The following OTOGL variants were observed in gnomAD, a reference collection of about 807,000 sequenced individuals.
OTOGL encodes the protein otogelin-like protein.
OTOGL carries 285 observed loss-of-function variants against 318.5 expected under a neutral mutation model. The ratio of observed to expected loss-of-function variants is 0.89; its 90% confidence interval spans 0.81 to 0.99. OTOGL has a LOEUF of 0.99. Ranked by LOEUF, OTOGL falls within the 50% of genes least tolerant of loss-of-function variation. OTOGL has a pLI of 0.00. For synonymous variants in OTOGL, 987 were observed against 936.5 expected (o/e 1.05, Z -0.99); for missense variants, 2,899 against 2,845.6 (o/e 1.02, Z -0.43).
intron 1 of OTOGL, among the ~76,000 whole-genome samples, chr12:80,167,393 C>A (rs192607298): frequency 1.2e-3 from 176 of 152,138 alleles, no homozygotes; most frequent in East Asian, 1.5e-3. Context: ...AGAATAATAT[C>A]ATCAGATTTT....
At chr12:80,360,750 G>A (rs996900439) in intron 52 of OTOGL, among the ~76,000 whole-genome samples, 3 of 151,958 alleles carry the variant, frequency 2.0e-5, no homozygotes, top group African/African-American at 7.2e-5. Context: ...AAAATGCTGG[G>A]ATTACAGGTG....
intron 19 of OTOGL, among the ~76,000 whole-genome samples, chr12:80,263,447 T>G (rs1031670372): frequency 6.6e-6 from 1 of 152,182 alleles, no homozygotes; most frequent in Admixed American, 6.6e-5. Flanking sequence ...TATTTTGCTC[T>G]ATTTTCTATC....
Position 80,352,299 on chromosome 12 carries a change from C to T in OTOGL, c.5270C>T (p.Ser1757Leu). The change falls in exon 45 of 59, where the codon TCA (serine) becomes TTA (leucine). Residue 1757 changes from serine to leucine, a missense_variant. This residue lies in a region of OTOGL where 2,607 missense variants were observed against 2,524.9 expected (regional missense o/e 1.03). Coordinates refer to ENST00000547103, the MANE Select transcript of OTOGL (RefSeq NM_001378609.3). ...RIFIPCHDKVSPEDFCEKMWI... is the reference protein window; with the variant it reads ...RIFIPCHDKVLPEDFCEKMWI... ...CAAGGCAAAATGTTTCTCTAGGTTT[C>T]ACCGGAAGACTTTTGTGAAAAGATG... is the stretch of plus-strand genomic sequence containing the variant. 6.2e-7 allele frequency: 1 copy of T among 1,605,680 alleles called. No individual in the cohort carries two copies. Among genetic ancestry groups the T allele is most frequent in the South Asian group, 1.1e-5 (1 of 88,782 alleles).
chr12:80,305,214 A>G (rs1886028287), intron 28 of OTOGL, among the ~76,000 whole-genome samples: 2 of 152,202 alleles, frequency 1.3e-5, no homozygotes, highest in African/African-American at 4.8e-5. Context: ...ATATATACAC[A>G]TGAATTCTGT....
chr12:80,158,157 AC>A (rs1287517062), intron 1 of OTOGL, among the ~76,000 whole-genome samples: 2 of 152,274 alleles, frequency 1.3e-5, no homozygotes, highest in East Asian at 1.9e-4. Flanking sequence ...TTTTAAAAAA[AC>A]AACAGTGTTT....
At chr12:80,332,940 A>G (rs555337567) in intron 37 of OTOGL, 65 bp from the exon 38 acceptor site, 297 of 1,307,910 alleles carry the variant, frequency 2.3e-4, no homozygotes, top group Middle Eastern at 9.9e-4. Flanking sequence ...AGTTTCTGTC[A>G]CATATCAATT....
At chr12:80,311,688 T>G (rs186624216) in intron 30 of OTOGL, among the ~76,000 whole-genome samples, 1 of 152,188 alleles carries the variant, frequency 6.6e-6, no homozygotes, top group East Asian at 1.9e-4. Context: ...ATTACAGGCG[T>G]GAACCACTGC....
chr12:80,289,738 C>G (rs1177859862), intron 26 of OTOGL, among the ~76,000 whole-genome samples: 1 of 152,146 alleles, frequency 6.6e-6, no homozygotes, highest in African/African-American at 2.4e-5. Context: ...TGGCGGACGC[C>G]CCTCCCCCAA....
At chr12:80,321,492 GT>G (rs1274921369) in intron 34 of OTOGL, among the ~76,000 whole-genome samples, 1 of 151,944 alleles carries the variant, frequency 6.6e-6, no homozygotes, top group Non-Finnish European at 1.5e-5. Flanking sequence ...AAGTTAATGG[GT>G]GCAGCACACC....
In OTOGL at chr12:80,212,132, A is replaced by T. The variant is rs1877309278; in HGVS notation, c.168+135A>T. The T allele has an allele frequency of 9.2e-6, 8 of 866,360 alleles. No individual in the cohort carries two copies. The Admixed American group carries it at 2.2e-4, about 24-fold the overall frequency. The allele number at this position is 866,360 out of a possible 1,614,324, so 53.7% of individuals were successfully genotyped here. Reference sequence around the variant, plus strand: ...AACAAGACAGGAAGGAGGAGGAAGAAGCAAAGTAACCTCTATTGCTTTTCT... The same window carrying T: ...AACAAGACAGGAAGGAGGAGGAAGATGCAAAGTAACCTCTATTGCTTTTCT... On this transcript the variant is annotated intron_variant, in intron 4 of 58. Transcript: ENST00000547103.
At chr12:80,267,440 T>A in intron 22 of OTOGL, 113 bp downstream of exon 22, 1 of 436,336 alleles carries the variant, frequency 2.3e-6, no homozygotes, top group Non-Finnish European at 3.3e-6. Flanking sequence ...CTAGGGTATA[T>A]GTGTACAACG....
chr12:80,150,054 C>G (rs1335075801), intron 1 of OTOGL, among the ~76,000 whole-genome samples: 1 of 152,192 alleles, frequency 6.6e-6, no homozygotes, highest in Non-Finnish European at 1.5e-5. Flanking sequence ...GGAGCTGTTC[C>G]TATTCGGCCA....
At chr12:80,183,786 G>A (rs993389100) in intron 1 of OTOGL, among the ~76,000 whole-genome samples, 2 of 152,336 alleles carry the variant, frequency 1.3e-5, no homozygotes, top group African/African-American at 4.8e-5. Flanking sequence ...TCAGCTGGCT[G>A]TTGGGAGGCA....
intron 11 of OTOGL, among the ~76,000 whole-genome samples, chr12:80,242,861 A>G (rs1880500809): frequency 6.6e-6 from 1 of 152,130 alleles, no homozygotes; most frequent in African/African-American, 2.4e-5. Flanking sequence ...GAGAGTGCCT[A>G]CACAGGCTCC....
At chr12:80,297,417 C>T (rs1020565982) in intron 27 of OTOGL, among the ~76,000 whole-genome samples, 3 of 151,658 alleles carry the variant, frequency 2.0e-5, no homozygotes, top group South Asian at 2.1e-4. Context: ...CCTCAACCTC[C>T]GCCTCCTGGG....
chr12:80,255,380 G>A (rs902653525), intron 16 of OTOGL, among the ~76,000 whole-genome samples, 195 bp downstream of exon 16: 3 of 152,042 alleles, frequency 2.0e-5, no homozygotes, highest in African/African-American at 7.2e-5. Flanking sequence ...CATACCATTG[G>A]TTACATGACG....
rs370806881 is a variant in OTOGL, at chr12:80,355,870, A to G, written c.5728A>G (p.Thr1910Ala). 4.3e-6 allele frequency: 7 copies of G among 1,613,962 alleles called. 1 individual carries two copies. The highest frequency in any genetic ancestry group is 3.3e-5 in the South Asian group (3 of 91,090). ...PIEPDCDEEP[T>A]PVCEREAEVV... ...AGAACCTGACTGTGATGAAGAGCCC[A>G]CGCCAGTTTGTGAACGAGAAGCTGA... The change falls in exon 47 of 59, where the codon ACG (threonine) becomes GCG (alanine). Residue 1910 changes from threonine to alanine, a missense_variant. By Grantham distance (58) the Thr-to-Ala change is moderately conservative (BLOSUM62 0). This residue lies in a region of OTOGL where 2,607 missense variants were observed against 2,524.9 expected (regional missense o/e 1.03). Transcript: ENST00000547103.
Position 80,324,679 on chromosome 12 carries a change from G to A in OTOGL, c.4199+839G>A, listed in dbSNP as rs190260191. Among the ~76,000 whole-genome samples the A allele has an allele frequency of 2.0e-5, 3 of 152,258 alleles. No homozygotes were observed. In the East Asian group the frequency reaches 5.8e-4, roughly 29 times the overall value. Reference sequence around the variant, plus strand: ...GGTGATACAGACAAGAAATGAAGGGGATTTGACCAGGTTGGTGGCCCGAGA... The same window carrying A: ...GGTGATACAGACAAGAAATGAAGGGAATTTGACCAGGTTGGTGGCCCGAGA... On this transcript the variant is annotated intron_variant, in intron 35 of 58. Coordinates refer to ENST00000547103, the MANE Select transcript of OTOGL (RefSeq NM_001378609.3).
In OTOGL at chr12:80,355,224, C is replaced by CTTTCTTT. The variant is rs1889799791; in HGVS notation, c.5594-509_5594-508insCTTTTTT. Reference sequence around the variant, plus strand: ...ACTTTTTTCTTTTCTTTCTTTCTTTCTTTTCTTTTTTTTTTTTTTTTTTTG... The same window carrying CTTTCTTT: ...ACTTTTTTCTTTTCTTTCTTTCTTTCTTTCTTTTTTTCTTTTTTTTTTTTTTTTTTTG... On this transcript the variant is annotated intron_variant, in intron 46 of 58. Transcript: ENST00000547103. Among the ~76,000 whole-genome samples, 17 of 65,630 alleles carry CTTTCTTT rather than the reference C, an allele frequency of 2.6e-4. 1 individual carries two copies. Among genetic ancestry groups the CTTTCTTT allele is most frequent in the South Asian group, 5.6e-4 (1 of 1,782 alleles). The allele number at this position is 65,630 out of a possible 152,430, so 43.1% of individuals were successfully genotyped here. A position where few individuals can be genotyped will look rare whatever the true frequency, so the allele number is the denominator to read the frequency against.
Sources: gnomAD v4.1 joint callset for allele counts (sites outside exome capture counted in the v4.1 genomes callset) on GRCh38, gnomAD v4.1.1 for gene constraint, gnomAD v4.1.1 regional missense constraint, MANE v1.5 for transcripts, NCBI Gene and HGNC (gene_info 2026-07-23, HGNC 2026-07-21) for gene names.